The following STRADA variants were observed in gnomAD, a reference collection of about 807,000 sequenced individuals.
The protein encoded by STRADA is STE20 related adaptor alpha, also known as STE20-related kinase adapter protein alpha.
A neutral mutation model predicts 55.0 loss-of-function variants in STRADA; 26 were observed. That is an observed-to-expected ratio of 0.47 (90% CI 0.35 to 0.66). The LOEUF (loss-of-function observed/expected upper bound fraction) is 0.66. Ranked by LOEUF, STRADA falls within the 30% of genes least tolerant of loss-of-function variation. The probability of loss-of-function intolerance (pLI) is 0.01; values close to 1 mark genes in which losing one functional copy is unlikely to be tolerated. For missense variants in STRADA, 443 were observed against 549.7 expected (o/e 0.81, Z 1.94); for synonymous variants, 197 against 210.9 (o/e 0.93, Z 0.57).
chr17:63,704,429 C>A lies in STRADA; in HGVS notation c.1012G>T (p.Asp338Tyr). 6.2e-7 allele frequency: 1 copy of A among 1,612,374 alleles called. No individual in the cohort carries two copies. The highest frequency in any genetic ancestry group is 8.5e-7 in the Non-Finnish European group (1 of 1,179,760). The part of the protein sequence containing the change: ...TTSTPRPSNG[D>Y]SPSHPYHRTF... The stretch of plus-strand genomic sequence containing the variant: ...CGGTGGTAGGGGTGGGAGGGCGAGT[C>A]ACCGTTGGAGGGCCGGGGGGTGCTG... The change falls in exon 11 of 13, where the codon GAC becomes TAC. Residue 338 changes from aspartate to tyrosine, a missense_variant. Physicochemically the swap from Asp to Tyr is radical, Grantham distance 160. Transcript: ENST00000336174.
intron 1 of STRADA, chr17:63,737,529 C>T (rs1198530690): frequency 1.3e-5 from 2 of 151,686 alleles, no homozygotes; most frequent in Non-Finnish European, 2.9e-5. Context: ...TTTCACCTGA[C>T]AGAAGATGGG....
intron 4 of STRADA, among the ~76,000 whole-genome samples, chr17:63,720,026 T>C (rs1490595452): frequency 6.6e-6 from 1 of 151,846 alleles, no homozygotes. Flanking sequence ...AAATTCTTTT[T>C]CTTTTTTTTT....
chr17:63,713,990 C>T lies in STRADA; in HGVS notation c.226+16G>A, dbSNP rs367973707. On this transcript the variant is annotated intron_variant, in intron 5 of 12. Coordinates refer to ENST00000336174, the MANE Select transcript of STRADA (RefSeq NM_001003787.4). ...GGAGCAGAAAGCAGGAGAGTAAGGA[C>T]GGCCCCTGCACATACCTATCACAGT... is the stretch of plus-strand genomic sequence containing the variant. 7.1e-5 allele frequency: 114 copies of T among 1,603,066 alleles called. No individual in the cohort carries two copies. The highest frequency in any genetic ancestry group is 6.1e-4 in the South Asian group (55 of 90,868).
intron 1 of STRADA, among the ~76,000 whole-genome samples, chr17:63,730,183 T>G (rs1378630199): frequency 2.0e-5 from 3 of 152,198 alleles, no homozygotes; most frequent in Non-Finnish European, 4.4e-5. Flanking sequence ...AGTTAATAAC[T>G]GCCTCATTTG....
At chr17:63,730,288 C>T (rs1051415251) in intron 1 of STRADA, among the ~76,000 whole-genome samples, 1 of 152,130 alleles carries the variant, frequency 6.6e-6, no homozygotes, top group Non-Finnish European at 1.5e-5. Context: ...TTTCCATACC[C>T]TCAAACCCAT....
intron 8 of STRADA, 33 bp downstream of exon 8, chr17:63,710,458 T>C: frequency 1.2e-6 from 2 of 1,612,264 alleles, no homozygotes; most frequent in Non-Finnish European, 1.7e-6. Context: ...AGCTACCCAC[T>C]GTAATCATGG....
chr17:63,707,144 AC>A (rs1244348667), intron 9 of STRADA, 102 bp downstream of exon 9: 10 of 1,455,172 alleles, frequency 6.9e-6, no homozygotes, highest in East Asian at 2.3e-5. Context: ...GAACCCCTTT[AC>A]CCCACTGGGA....
intron 4 of STRADA, among the ~76,000 whole-genome samples, chr17:63,720,231 A>G (rs1423408819): frequency 2.6e-5 from 4 of 151,400 alleles, no homozygotes; most frequent in African/African-American, 7.3e-5. Context: ...CTGGAGTGCA[A>G]TGGCGCTATC....
At chr17:63,735,325 G>A (rs1430978904) in intron 1 of STRADA, among the ~76,000 whole-genome samples, 1 of 152,168 alleles carries the variant, frequency 6.6e-6, no homozygotes, top group Non-Finnish European at 1.5e-5. Context: ...TCTGAAATAA[G>A]ACGAGCATGG....
intron 4 of STRADA, among the ~76,000 whole-genome samples, chr17:63,718,219 T>C (rs1019271406): frequency 6.6e-6 from 1 of 152,190 alleles, no homozygotes; most frequent in Non-Finnish European, 1.5e-5. Context: ...CACTGCACCC[T>C]GCTGACTCTA....
rs539936447 is a variant in STRADA at position 63,722,587 on chromosome 17, T to G, written c.123+711A>C. On this transcript the variant is annotated intron_variant, in intron 4 of 12. Transcript: ENST00000336174. ...AATTCCCAGTCAACATCACTGTCCT[T>G]CACTCAACCTTAGGGCTGCTGCAGA... Among the ~76,000 whole-genome samples the G allele has an allele frequency of 4.6e-5, 7 of 152,334 alleles. No homozygotes were observed. The South Asian group carries it at 1.2e-3, about 27-fold the overall frequency.
intron 4 of STRADA, among the ~76,000 whole-genome samples, chr17:63,717,845 T>A (rs1182800729): frequency 6.6e-6 from 1 of 152,160 alleles, no homozygotes; most frequent in Non-Finnish European, 1.5e-5. Flanking sequence ...CTCCTGGACC[T>A]CAAGTGATCC....
intron 6 of STRADA, 105 bp from the exon 7 acceptor site, chr17:63,710,941 G>T: frequency 9.7e-7 from 1 of 1,032,742 alleles, no homozygotes; most frequent in Non-Finnish European, 1.4e-6. Flanking sequence ...CACTTTCTGG[G>T]TGTTCTCAGA....
chr17:63,735,675 A>G (rs1174650896), intron 1 of STRADA, among the ~76,000 whole-genome samples: 1 of 152,242 alleles, frequency 6.6e-6, no homozygotes, highest in African/African-American at 2.4e-5. Context: ...TGAAATTTCA[A>G]TAAATTTCTA....
intron 6 of STRADA, chr17:63,711,049 G>A: frequency 1.6e-5 from 9 of 552,780 alleles, no homozygotes; most frequent in Non-Finnish European, 2.3e-5. Context: ...CTGCCAGATA[G>A]GGAAACTGCC....
chr17:63,714,182 T>G, intron 4 of STRADA, 74 bp from the exon 5 acceptor site: 1 of 1,118,856 alleles, frequency 8.9e-7, no homozygotes, highest in Non-Finnish European at 1.3e-6. Flanking sequence ...AGGTGGTAAT[T>G]CAGACCCACG....
chr17:63,707,536 ATGTG>A, intron 8 of STRADA, 118 bp from the exon 9 acceptor site: 1 of 901,716 alleles, frequency 1.1e-6, no homozygotes, highest in Non-Finnish European at 1.7e-6. Context: ...ATACACGTAT[ATGTG>A]TATTTTACAT....
chr17:63,728,337 G>A lies in STRADA; in HGVS notation c.33C>T (p.Ile11=), dbSNP rs763042255. 1.7e-5 allele frequency: 28 copies of A among 1,613,228 alleles called. No homozygotes were observed. The highest frequency in any genetic ancestry group is 2.4e-5 in the Non-Finnish European group (28 of 1,179,708). The part of the protein sequence containing the change: MSFLVSKPER[I]RRWVSEKFIV... The stretch of plus-strand genomic sequence containing the variant: ...AGAAGAATAGAAAAACACTCACCCT[G>A]ATTCGCTCTGGTTTACTTACAAGAA... The change falls in exon 2 of 13, where the codon ATC becomes ATT. Residue 11 remains isoleucine, a synonymous_variant. Coordinates refer to ENST00000336174, the MANE Select transcript of STRADA (RefSeq NM_001003787.4).
chr17:63,721,391 A>T (rs183722006), intron 4 of STRADA, among the ~76,000 whole-genome samples: 214 of 142,072 alleles, frequency 1.5e-3, no homozygotes, highest in African/African-American at 5.5e-3. Flanking sequence ...TAAAATAAAA[A>T]AAAATAAAGT....
Sources: gnomAD v4.1 joint callset for allele counts (sites outside exome capture counted in the v4.1 genomes callset) on GRCh38, gnomAD v4.1.1 for gene constraint, MANE v1.5 for transcripts, NCBI Gene and HGNC (gene_info 2026-07-23, HGNC 2026-07-21) for gene names.